The following PRDM5 variants were observed in gnomAD, a reference collection of about 807,000 sequenced individuals.
PRDM5 encodes PR domain zinc finger protein 5.
A neutral mutation model predicts 81.2 loss-of-function variants in PRDM5; 56 were observed. The ratio of observed to expected loss-of-function variants is 0.69; its 90% confidence interval spans 0.56 to 0.86. The LOEUF is 0.86. PRDM5 is among the 40% of genes least tolerant of loss of function. PRDM5 has a pLI of 0.00. For missense variants in PRDM5, 697 were observed against 770.1 expected (o/e 0.91, Z 1.12); for synonymous variants, 267 against 256.4 (o/e 1.04, Z -0.39).
At chr4:120,742,777 T>C (rs1426780366) in intron 14 of PRDM5, among the ~76,000 whole-genome samples, 1 of 151,886 alleles carries the variant, frequency 6.6e-6, no homozygotes, top group African/African-American at 2.4e-5. Context: ...TATGGGACTA[T>C]GTGAAAAGAC....
chr4:120,827,197 C>T (rs1171258226), intron 3 of PRDM5, among the ~76,000 whole-genome samples: 1 of 152,046 alleles, frequency 6.6e-6, no homozygotes, highest in Admixed American at 6.6e-5. Context: ...AGCTGAAAAA[C>T]AATAGCAGTG....
downstream of PRDM5, among the ~76,000 whole-genome samples, chr4:120,688,680 T>A (rs1434614029): frequency 6.6e-6 from 1 of 152,162 alleles, no homozygotes. Flanking sequence ...CTTCTTTTTT[T>A]ACATGTGGAT....
chr4:120,747,145 G>A (rs1207630656), intron 14 of PRDM5, among the ~76,000 whole-genome samples: 5 of 150,548 alleles, frequency 3.3e-5, no homozygotes, highest in African/African-American at 1.2e-4. Flanking sequence ...GGACATGGAT[G>A]AAATTGGAAA....
At chr4:120,707,034 A>G (rs1736272471) in intron 15 of PRDM5, among the ~76,000 whole-genome samples, 1 of 152,064 alleles carries the variant, frequency 6.6e-6, no homozygotes, top group Non-Finnish European at 1.5e-5. Context: ...TCAAAAAGAC[A>G]GAAGAGGAGG....
intron 10 of PRDM5, among the ~76,000 whole-genome samples, chr4:120,787,168 C>A (rs758908833): frequency 6.6e-6 from 1 of 152,092 alleles, no homozygotes; most frequent in South Asian, 2.1e-4. Flanking sequence ...CAAGAAAATT[C>A]TAGCTGAGAA....
chr4:120,744,464 A>G (rs1742650477), intron 14 of PRDM5, among the ~76,000 whole-genome samples: 2 of 151,944 alleles, frequency 1.3e-5, no homozygotes, highest in Non-Finnish European at 2.9e-5. Flanking sequence ...GACACAAAAA[A>G]CCCTTCAAAA....
chr4:120,860,964 A>G (rs1760497617), intron 2 of PRDM5, among the ~76,000 whole-genome samples: 1 of 152,096 alleles, frequency 6.6e-6, no homozygotes, highest in Admixed American at 6.5e-5. Flanking sequence ...TTTAATATAG[A>G]TTTCAGACCT....
chr4:120,725,009 G>A lies in PRDM5; in HGVS notation c.1624-14596C>T, dbSNP rs1408459364. On this transcript the variant is annotated intron_variant, in intron 14 of 15. Transcript: ENST00000264808. ...AAAACAGCTTATTTGCACAGGTGAG[G>A]ATTCTATAGTTGTCCTGGCAGAGAT... Among the ~76,000 whole-genome samples, 4 of 152,306 alleles carry A rather than the reference G, an allele frequency of 2.6e-5. No homozygotes were observed. The East Asian group carries it at 7.7e-4, about 29-fold the overall frequency.
intron 10 of PRDM5, among the ~76,000 whole-genome samples, chr4:120,792,486 T>A (rs1411271803): frequency 6.6e-6 from 1 of 152,152 alleles, no homozygotes; most frequent in Non-Finnish European, 1.5e-5. Context: ...AATTAGCATA[T>A]CCATTGTAGA....
chr4:120,913,796 G>A (rs1354518030), intron 1 of PRDM5, among the ~76,000 whole-genome samples: 32 of 152,132 alleles, frequency 2.1e-4, no homozygotes, highest in Admixed American at 2.0e-3. Context: ...TGAAAACCAG[G>A]GAATCCCAAA....
chr4:120,909,187 G>T (rs1766191210), intron 1 of PRDM5, among the ~76,000 whole-genome samples: 1 of 152,158 alleles, frequency 6.6e-6, no homozygotes, highest in Admixed American at 6.5e-5. Flanking sequence ...GGAACCAGTG[G>T]TTTATTCTGA....
chr4:120,818,349 G>A lies in PRDM5; in HGVS notation c.650+4C>T, dbSNP rs1393505279. On this transcript the variant is annotated splice_donor_region_variant and intron_variant, in intron 5 of 15. Coordinates refer to ENST00000264808, the MANE Select transcript of PRDM5 (RefSeq NM_018699.4). ...TTTTAAAGATATTTCTTTAATATAC[G>A]CACTGTCTTTGCAAAGCCTGCTTAA... 9 of 1,611,552 alleles carry A rather than the reference G, an allele frequency of 5.6e-6. No homozygotes were observed. In the Admixed American group the frequency reaches 6.7e-5, roughly 12 times the overall value.
At chr4:120,722,390 A>G (rs1469099310) in intron 14 of PRDM5, among the ~76,000 whole-genome samples, 1 of 151,868 alleles carries the variant, frequency 6.6e-6, no homozygotes, top group Non-Finnish European at 1.5e-5. Flanking sequence ...CCTCTTCCCT[A>G]GTCTATATCA....
intron 14 of PRDM5, among the ~76,000 whole-genome samples, chr4:120,752,861 C>T (rs1028596389): frequency 2.0e-5 from 3 of 151,964 alleles, no homozygotes; most frequent in Non-Finnish European, 4.4e-5. Context: ...AATGTGAAGG[C>T]CTAAAAGAGT....
chr4:120,822,611 A>T (rs1385514712), intron 3 of PRDM5, among the ~76,000 whole-genome samples: 1 of 152,204 alleles, frequency 6.6e-6, no homozygotes, highest in African/African-American at 2.4e-5. Context: ...CATGCATCAA[A>T]TTGTACATAC....
intron 3 of PRDM5, among the ~76,000 whole-genome samples, chr4:120,842,950 T>C (rs1433950514): frequency 1.3e-5 from 2 of 152,214 alleles, no homozygotes; most frequent in Admixed American, 6.5e-5. Context: ...AAGGCTATAA[T>C]TTCTAGGGAC....
chr4:120,757,253 C>CT (rs1431203870), intron 13 of PRDM5, among the ~76,000 whole-genome samples: 3 of 152,102 alleles, frequency 2.0e-5, no homozygotes, highest in Admixed American at 1.3e-4. Context: ...TAAGACATAG[C>CT]TTTTTTCATA....
At position 120,692,007 on chromosome 4, in the gene PRDM5, C is replaced by T. The variant is rs559972665; in HGVS notation, c.*3104G>A. On this transcript the variant is annotated 3_prime_UTR_variant, in exon 16 of 16. Coordinates refer to ENST00000264808, the MANE Select transcript of PRDM5 (RefSeq NM_018699.4). ...TTTACACATGCTCCATTTATATACA[C>T]GCAAACAAATGTCAATATCAATGGT... 33 of 151,972 alleles carry T rather than the reference C, an allele frequency of 2.2e-4. No individual in the cohort carries two copies. Among genetic ancestry groups the T allele is most frequent in the Admixed American group, 6.6e-4 (10 of 15,224 alleles). The allele number at this position is 151,972 out of a possible 1,614,324, so 9.4% of individuals were successfully genotyped here.
chr4:120,695,853 G>T (rs1026875434), intron 15 of PRDM5, among the ~76,000 whole-genome samples: 1 of 152,006 alleles, frequency 6.6e-6, no homozygotes, highest in African/African-American at 2.4e-5. Context: ...CAAAAAAAAT[G>T]GAGTTTAAAG....
Sources: allele counts gnomAD v4.1 joint callset (sites outside exome capture counted in the v4.1 genomes callset), GRCh38; gene constraint gnomAD v4.1.1; transcripts MANE v1.5; gene names NCBI Gene and HGNC (gene_info 2026-07-23, HGNC 2026-07-21).